Variants in USP10 observed in about 807,000 individuals in gnomAD.
USP10 encodes the protein ubiquitin carboxyl-terminal hydrolase 10.
Under a neutral mutation model 84.5 loss-of-function variants are expected in USP10, and 22 were observed. The ratio of observed to expected loss-of-function variants is 0.26; its 90% confidence interval spans 0.19 to 0.37. The LOEUF is 0.37. Among genes scored for constraint, USP10 ranks in the 10% least tolerant of loss-of-function variants. The pLI is 1.00. For missense variants in USP10, 1,019 were observed against 998.9 expected (o/e 1.02, Z -0.27); for synonymous variants, 454 against 387.6 (o/e 1.17, Z -2.01).
chr16:84,748,251 G>A (rs1036740446), intron 4 of USP10, among the ~76,000 whole-genome samples: 14 of 151,860 alleles, frequency 9.2e-5, no homozygotes, highest in Admixed American at 3.9e-4. Context: ...GAAATGCATG[G>A]TGGGGTCCTG....
chr16:84,737,051 G>A (rs1244714135), intron 2 of USP10, among the ~76,000 whole-genome samples: 1 of 152,158 alleles, frequency 6.6e-6, no homozygotes, highest in Non-Finnish European at 1.5e-5. Flanking sequence ...GCTTCCCAAA[G>A]TGCTGGGATT....
At chr16:84,724,102 A>C (rs73243949) in intron 1 of USP10, among the ~76,000 whole-genome samples, 3 of 152,212 alleles carry the variant, frequency 2.0e-5, no homozygotes, top group African/African-American at 7.2e-5. Context: ...TACAATAGCA[A>C]TTTTACACAG....
At chr16:84,776,029 A>G (rs1376296784) in intron 13 of USP10, among the ~76,000 whole-genome samples, 1 of 152,034 alleles carries the variant, frequency 6.6e-6, no homozygotes, top group Non-Finnish European at 1.5e-5. Context: ...ACCTGTTTGT[A>G]TCGTAACATA....
intron 1 of USP10, among the ~76,000 whole-genome samples, chr16:84,709,976 G>A (rs538506585): frequency 6.6e-6 from 1 of 152,054 alleles, no homozygotes; most frequent in Non-Finnish European, 1.5e-5. Context: ...TCTGTGTTAA[G>A]ATAGCTGGTT....
intron 2 of USP10, among the ~76,000 whole-genome samples, chr16:84,737,165 C>T (rs1015262856): frequency 6.6e-6 from 1 of 152,194 alleles, no homozygotes; most frequent in Non-Finnish European, 1.5e-5. Flanking sequence ...GCAGAACACA[C>T]AGGTAGCCCA....
chr16:84,734,345 T>C (rs561966745), intron 2 of USP10, among the ~76,000 whole-genome samples: 38 of 152,354 alleles, frequency 2.5e-4, no homozygotes, highest in South Asian at 6.2e-4. Context: ...TGGACTCTCA[T>C]TGTTTTAATT....
chr16:84,748,808 C>T (rs1911558328), intron 4 of USP10, among the ~76,000 whole-genome samples: 1 of 152,236 alleles, frequency 6.6e-6, no homozygotes, highest in East Asian at 1.9e-4. Flanking sequence ...ATTGAAGTAG[C>T]TTTGTCAAAC....
chr16:84,748,219 GTTTATT>G (rs1471985683), intron 4 of USP10, among the ~76,000 whole-genome samples: 2 of 147,212 alleles, frequency 1.4e-5, no homozygotes, highest in Non-Finnish European at 3.0e-5. Context: ...TAAGTTAAAA[GTTTATT>G]TTTAACCTAT....
At position 84,764,274 on chromosome 16, in the gene USP10, T is replaced by C. The variant is rs755230521; in HGVS notation, c.1832+11T>C. 3.1e-6 allele frequency: 5 copies of C among 1,614,002 alleles called. No individual in the cohort carries two copies. The highest frequency in any genetic ancestry group is 1.7e-5 in the Admixed American group (1 of 60,016). On this transcript the variant is annotated intron_variant, in intron 10 of 13. Transcript: ENST00000219473. ...TGGTGGACACATCAGGTTTGTGCTT[T>C]TCTGGAATAACTTAATATTTGCCTT...
At chr16:84,705,025 C>G (rs1396817063) in intron 1 of USP10, among the ~76,000 whole-genome samples, 1 of 152,226 alleles carries the variant, frequency 6.6e-6, no homozygotes, top group Non-Finnish European at 1.5e-5. Context: ...TAAGAGTCCT[C>G]AGTCTCCTCC....
At chr16:84,756,480 C>G (rs1363421232) in intron 4 of USP10, among the ~76,000 whole-genome samples, 3 of 152,142 alleles carry the variant, frequency 2.0e-5, no homozygotes, top group Non-Finnish European at 4.4e-5. Flanking sequence ...GTAATCCCAG[C>G]TACATGGGAG....
intron 12 of USP10, among the ~76,000 whole-genome samples, chr16:84,773,560 T>C (rs1018837374): frequency 6.6e-6 from 1 of 152,200 alleles, no homozygotes; most frequent in African/African-American, 2.4e-5. Context: ...ACACTGTCTC[T>C]CCCAGGCCTG....
chr16:84,759,830 C>T (rs1241523749), intron 6 of USP10, 61 bp from the exon 7 acceptor site: 1 of 1,530,402 alleles, frequency 6.5e-7, no homozygotes, highest in Admixed American at 1.7e-5. Flanking sequence ...CATCAAAGCT[C>T]TTTAGTAAAA....
At chr16:84,769,931 G>A (rs1462944060) in intron 11 of USP10, among the ~76,000 whole-genome samples, 1 of 152,158 alleles carries the variant, frequency 6.6e-6, no homozygotes, top group Non-Finnish European at 1.5e-5. Flanking sequence ...CTAAATAGCA[G>A]GTTTGGATGA....
At chr16:84,748,836 C>G (rs112119065) in intron 4 of USP10, among the ~76,000 whole-genome samples, 147 of 152,286 alleles carry the variant, frequency 9.7e-4, no homozygotes, top group Middle Eastern at 3.4e-3. Context: ...GTAAGGGCCT[C>G]TTAATGACTG....
intron 3 of USP10, among the ~76,000 whole-genome samples, chr16:84,741,474 G>C (rs1332724761): frequency 6.6e-6 from 1 of 152,224 alleles, no homozygotes; most frequent in Non-Finnish European, 1.5e-5. Context: ...TTGAACCAGT[G>C]CTTACAAATG....
chr16:84,717,574 C>T (rs1178131690), intron 1 of USP10, among the ~76,000 whole-genome samples: 1 of 152,140 alleles, frequency 6.6e-6, no homozygotes, highest in Non-Finnish European at 1.5e-5. Flanking sequence ...GCCATTCTGT[C>T]AGCATTTGCT....
chr16:84,766,683 C>G (rs926644856), intron 10 of USP10, among the ~76,000 whole-genome samples: 1 of 152,148 alleles, frequency 6.6e-6, no homozygotes, highest in African/African-American at 2.4e-5. Flanking sequence ...AAAATACCAG[C>G]GTCCATTTGG....
chr16:84,755,463 A>G (rs1270328599), intron 4 of USP10, among the ~76,000 whole-genome samples: 2 of 151,276 alleles, frequency 1.3e-5, no homozygotes, highest in Non-Finnish European at 2.9e-5. Context: ...CCCCACTCCT[A>G]CACGCTGCCC....
Sources: gnomAD v4.1 joint callset for allele counts (sites outside exome capture counted in the v4.1 genomes callset) on GRCh38, gnomAD v4.1.1 for gene constraint, MANE v1.5 for transcripts, NCBI Gene and HGNC (gene_info 2026-07-23, HGNC 2026-07-21) for gene names.